Variants in FNDC3A observed in about 807,000 individuals in gnomAD.
The protein encoded by FNDC3A is fibronectin type-III domain-containing protein 3A.
A neutral mutation model predicts 148.9 loss-of-function variants in FNDC3A; 32 were observed. The ratio of observed to expected loss-of-function variants is 0.21; its 90% CI spans 0.16 to 0.29. The LOEUF (loss-of-function observed/expected upper bound fraction) is 0.29, where lower values mean the gene tolerates loss of function less well. FNDC3A is among the 10% of genes least tolerant of loss of function. The pLI is 1.00. For missense variants in FNDC3A, 1,191 were observed against 1,452.8 expected, an observed-to-expected ratio of 0.82 and a Z score of 2.93; for synonymous variants, 472 against 473.6, an observed-to-expected ratio of 1.00 and a Z score of 0.04.
intron 2 of FNDC3A, among the ~76,000 whole-genome samples, chr13:49,043,612 AT>A (rs1272212042): frequency 6.6e-6 from 1 of 151,988 alleles, no homozygotes; most frequent in Admixed American, 6.6e-5. Context: ...GATCCTTGTA[AT>A]TTTTTTAATT....
intron 4 of FNDC3A, among the ~76,000 whole-genome samples, chr13:49,124,855 A>G (rs1170180214): frequency 6.6e-6 from 1 of 152,206 alleles, no homozygotes; most frequent in Non-Finnish European, 1.5e-5. Flanking sequence ...CCCTAAGAGC[A>G]TTGTATTGCA....
At chr13:49,092,282 C>G (rs1237744533) in intron 3 of FNDC3A, among the ~76,000 whole-genome samples, 1 of 152,208 alleles carries the variant, frequency 6.6e-6, no homozygotes, top group Non-Finnish European at 1.5e-5. Context: ...GTAACATACC[C>G]AGATGAGGAA....
chr13:49,175,638 A>G (rs1884991442), intron 13 of FNDC3A, 97 bp downstream of exon 13: 3 of 700,482 alleles, frequency 4.3e-6, no homozygotes, highest in Admixed American at 2.9e-5. Flanking sequence ...ATATACAATC[A>G]TGTCATCTGC....
rs58064396 is a variant in FNDC3A, at chr13:49,078,964, T to G, written c.175+3600T>G. Among the ~76,000 whole-genome samples, 1,452 of 152,294 alleles carry G rather than the reference T, an allele frequency of 9.5e-3. 13 individuals carry two copies. Among genetic ancestry groups the G allele is most frequent in the African/African-American group, 0.023 (942 of 41,568 alleles). The stretch of plus-strand genomic sequence containing the variant: ...ATCTCTATATTAAAACCTAATGAAT[T>G]GAGATAAGAGCTGTGTAAATTAATA... On this transcript the variant is annotated intron_variant, in intron 3 of 25. Transcript: ENST00000492622.
chr13:49,100,775 G>A (rs565598047), intron 3 of FNDC3A, among the ~76,000 whole-genome samples: 40 of 152,188 alleles, frequency 2.6e-4, no homozygotes, highest in African/African-American at 9.6e-4. Context: ...AAATGTTTGG[G>A]AAATACTAAC....
chr13:49,204,956 A>AT (rs558017786), intron 25 of FNDC3A, among the ~76,000 whole-genome samples: 3 of 151,758 alleles, frequency 2.0e-5, no homozygotes, highest in Non-Finnish European at 4.4e-5. Context: ...TCTTAGATGA[A>AT]TTTTTTTTTC....
chr13:49,137,094 T>C (rs998998361), intron 6 of FNDC3A, among the ~76,000 whole-genome samples: 5 of 152,090 alleles, frequency 3.3e-5, no homozygotes, highest in African/African-American at 1.2e-4. Flanking sequence ...CTCAAAGTGC[T>C]GCAATTATAG....
chr13:49,000,520 T>TC (rs1952106551), intron 1 of FNDC3A, among the ~76,000 whole-genome samples: 1 of 152,234 alleles, frequency 6.6e-6, no homozygotes, highest in Non-Finnish European at 1.5e-5. Flanking sequence ...TGTGAGTCCT[T>TC]CAACTTTGTT....
intron 3 of FNDC3A, among the ~76,000 whole-genome samples, chr13:49,095,809 G>A (rs1005511861): frequency 3.3e-5 from 5 of 152,008 alleles, no homozygotes; most frequent in Non-Finnish European, 5.9e-5. Flanking sequence ...CTGAGATGAG[G>A]CTAGGATGTC....
intron 2 of FNDC3A, among the ~76,000 whole-genome samples, chr13:49,063,530 G>C (rs1256253784): frequency 6.6e-6 from 1 of 152,162 alleles, no homozygotes; most frequent in African/African-American, 2.4e-5. Flanking sequence ...TTACAAGTAG[G>C]TTTTGAAATG....
chr13:49,206,540 G>A (rs1479266997), intron 25 of FNDC3A, among the ~76,000 whole-genome samples: 2 of 152,196 alleles, frequency 1.3e-5, no homozygotes, highest in African/African-American at 4.8e-5. Context: ...AGGCATGGCA[G>A]AGGAGGTCCT....
At chr13:49,161,427 CT>C (rs899776905) in intron 8 of FNDC3A, among the ~76,000 whole-genome samples, 1 of 151,902 alleles carries the variant, frequency 6.6e-6, no homozygotes, top group Non-Finnish European at 1.5e-5. Context: ...GCAACCCCTG[CT>C]TTTTTTTGTT....
chr13:49,098,866 G>T (rs1161509205), intron 3 of FNDC3A, among the ~76,000 whole-genome samples: 1 of 151,996 alleles, frequency 6.6e-6, no homozygotes, highest in Non-Finnish European at 1.5e-5. Flanking sequence ...GAAAAGAAAG[G>T]TCTCTAAACA....
intron 2 of FNDC3A, among the ~76,000 whole-genome samples, chr13:49,070,934 C>G (rs1371533801): frequency 4.9e-5 from 6 of 121,914 alleles, no homozygotes; most frequent in African/African-American, 1.9e-4. Flanking sequence ...GATCTCACTT[C>G]ATTGCCCAGG....
intron 3 of FNDC3A, among the ~76,000 whole-genome samples, chr13:49,107,695 G>T (rs1442903032): frequency 6.6e-6 from 1 of 152,216 alleles, no homozygotes; most frequent in East Asian, 1.9e-4. Flanking sequence ...TTCGAGATAT[G>T]GTTGAAGTCA....
intron 1 of FNDC3A, among the ~76,000 whole-genome samples, chr13:48,985,564 A>G (rs1951774118): frequency 6.6e-6 from 1 of 152,214 alleles, no homozygotes; most frequent in Non-Finnish European, 1.5e-5. Context: ...ATGAAAAAAC[A>G]TGAAATAGAC....
At chr13:48,995,254 A>G (rs1952002022) in intron 1 of FNDC3A, among the ~76,000 whole-genome samples, 1 of 151,086 alleles carries the variant, frequency 6.6e-6, no homozygotes, top group Non-Finnish European at 1.5e-5. Context: ...ATTTTCAGAT[A>G]TATCTGACTT....
intron 14 of FNDC3A, among the ~76,000 whole-genome samples, chr13:49,181,056 A>T (rs1434515279): frequency 6.6e-6 from 1 of 152,186 alleles, no homozygotes; most frequent in East Asian, 1.9e-4. Context: ...ACTCCAGCCT[A>T]GGCAGCAGAG....
chr13:49,193,010 CA>C (rs1183790090), intron 19 of FNDC3A, among the ~76,000 whole-genome samples: 3 of 151,660 alleles, frequency 2.0e-5, no homozygotes, highest in Admixed American at 6.6e-5. Context: ...AAAAGGGGGG[CA>C]AAAAAATGAC....
Sources: gnomAD v4.1 joint callset for allele counts (sites outside exome capture counted in the v4.1 genomes callset) on GRCh38, gnomAD v4.1.1 for gene constraint, MANE v1.5 for transcripts, NCBI Gene and HGNC (gene_info 2026-07-23, HGNC 2026-07-21) for gene names.